SLC24A3: variants seen among roughly 807,000 people sequenced by gnomAD.
SLC24A3 encodes sodium/potassium/calcium exchanger 3.
In SLC24A3, 28 loss-of-function variants were observed where a neutral mutation model predicts 75.8. That is an observed-to-expected ratio of 0.37 (90% CI 0.27 to 0.51). The LOEUF (loss-of-function observed/expected upper bound fraction) is 0.51. SLC24A3 is among the 20% of genes least tolerant of loss of function. The pLI is 0.94. For synonymous variants in SLC24A3, 372 were observed against 334.1 expected, an observed-to-expected ratio of 1.11 and a Z score of -1.24; for missense variants, 663 against 847.8, an observed-to-expected ratio of 0.78 and a Z score of 2.71.
chr20:19,372,329 A>C (rs1319990407), intron 2 of SLC24A3, among the ~76,000 whole-genome samples: 2 of 152,232 alleles, frequency 1.3e-5, no homozygotes, highest in Admixed American at 1.3e-4. Context: ...AATCATTTCA[A>C]GACAAGTGAA....
At chr20:19,216,296 T>A (rs1218952605) in intron 1 of SLC24A3, among the ~76,000 whole-genome samples, 1 of 57,044 alleles carries the variant, frequency 1.8e-5, no homozygotes, top group African/African-American at 1.3e-4. Context: ...ACCCAGCCAT[T>A]TTTTTTCCAG....
chr20:19,718,081 G>A (rs1278382720), intron 16 of SLC24A3, among the ~76,000 whole-genome samples: 2 of 152,198 alleles, frequency 1.3e-5, no homozygotes, highest in Non-Finnish European at 1.5e-5. Context: ...TCACACCAAC[G>A]CATGGACTCA....
intron 15 of SLC24A3, among the ~76,000 whole-genome samples, chr20:19,699,313 G>A (rs2032845314): frequency 6.6e-6 from 1 of 152,236 alleles, no homozygotes; most frequent in African/African-American, 2.4e-5. Flanking sequence ...GCAACGCCCT[G>A]GCGGGGAGAG....
At chr20:19,467,651 A>G (rs964671839) in intron 2 of SLC24A3, among the ~76,000 whole-genome samples, 3 of 152,074 alleles carry the variant, frequency 2.0e-5, no homozygotes, top group Non-Finnish European at 2.9e-5. Flanking sequence ...GAGCCCGAGG[A>G]GTGTGGATCA....
intron 6 of SLC24A3, among the ~76,000 whole-genome samples, chr20:19,644,442 G>A (rs530948720): frequency 5.3e-5 from 8 of 152,258 alleles, no homozygotes; most frequent in Admixed American, 1.3e-4. Context: ...GCTCCCCGGC[G>A]ATGCTGATAC....
intron 2 of SLC24A3, among the ~76,000 whole-genome samples, chr20:19,287,629 C>T (rs1271059006): frequency 6.6e-6 from 1 of 152,220 alleles, no homozygotes; most frequent in Non-Finnish European, 1.5e-5. Context: ...CATAACAATT[C>T]CCTCATCAAG....
At chr20:19,379,558 T>G (rs1568603921) in intron 2 of SLC24A3, among the ~76,000 whole-genome samples, 1 of 152,210 alleles carries the variant, frequency 6.6e-6, no homozygotes, top group Non-Finnish European at 1.5e-5. Flanking sequence ...GGAAGGACTG[T>G]CCATGGGCCA....
chr20:19,244,405 G>A (rs553018429), intron 1 of SLC24A3: 6 of 152,368 alleles, frequency 3.9e-5, no homozygotes, highest in Admixed American at 3.9e-4. Context: ...CTGGACATTA[G>A]CCTCTAGGGC....
intron 6 of SLC24A3, among the ~76,000 whole-genome samples, chr20:19,591,979 G>C (rs1184704652): frequency 6.6e-6 from 1 of 152,136 alleles, no homozygotes; most frequent in Non-Finnish European, 1.5e-5. Flanking sequence ...AATAACCTAG[G>C]AGTGGGATTA....
At chr20:19,546,631 G>T (rs1022650440) in intron 3 of SLC24A3, among the ~76,000 whole-genome samples, 4 of 152,184 alleles carry the variant, frequency 2.6e-5, no homozygotes, top group Admixed American at 2.6e-4. Flanking sequence ...GAAAGGGGGT[G>T]GGGGGCAGAC....
At chr20:19,253,641 G>T (rs749980235) in intron 1 of SLC24A3, among the ~76,000 whole-genome samples, 8 of 152,212 alleles carry the variant, frequency 5.3e-5, no homozygotes. Context: ...TCACCCCACT[G>T]TTACCCCCAT....
At chr20:19,405,514 T>C (rs1986628497) in intron 2 of SLC24A3, among the ~76,000 whole-genome samples, 1 of 152,214 alleles carries the variant, frequency 6.6e-6, no homozygotes, top group African/African-American at 2.4e-5. Context: ...AAAATGTACT[T>C]AGTACCCTGG....
intron 2 of SLC24A3, among the ~76,000 whole-genome samples, chr20:19,326,549 A>T (rs1045058270): frequency 2.0e-5 from 3 of 150,588 alleles, no homozygotes; most frequent in Non-Finnish European, 4.4e-5. Flanking sequence ...AATTTCTAGC[A>T]CATTCAGTTT....
At chr20:19,333,482 T>C (rs6075501) in intron 2 of SLC24A3, among the ~76,000 whole-genome samples, 79,801 of 151,952 alleles carry the variant, frequency 0.53, 23,123 homozygotes, top group African/African-American at 0.77. Flanking sequence ...AGAAGGGAAT[T>C]GTTTCACCAA....
At chr20:19,585,696 G>A (rs1048119250) in intron 6 of SLC24A3, 152 bp downstream of exon 6, 47 of 679,500 alleles carry the variant, frequency 6.9e-5, no homozygotes, top group Admixed American at 1.5e-4. Flanking sequence ...CATCCCAGGA[G>A]GCTGGCCCAG....
chr20:19,463,685 G>A (rs1987718181), intron 2 of SLC24A3, among the ~76,000 whole-genome samples: 1 of 152,240 alleles, frequency 6.6e-6, no homozygotes, highest in African/African-American at 2.4e-5. Flanking sequence ...TGTGCACACA[G>A]GAGCCCTCTT....
chr20:19,683,317 C>A (rs2032635915), intron 10 of SLC24A3, among the ~76,000 whole-genome samples: 1 of 152,174 alleles, frequency 6.6e-6, no homozygotes, highest in African/African-American at 2.4e-5. Context: ...TCACTTCATG[C>A]TTTAGTGGCT....
intron 12 of SLC24A3, among the ~76,000 whole-genome samples, chr20:19,692,769 C>G (rs1163982539): frequency 6.6e-6 from 1 of 152,172 alleles, no homozygotes; most frequent in African/African-American, 2.4e-5. Context: ...GATTCCGGCG[C>G]GCTGACCGAC....
At chr20:19,287,783 G>T (rs1983851629) in intron 2 of SLC24A3, among the ~76,000 whole-genome samples, 1 of 152,222 alleles carries the variant, frequency 6.6e-6, no homozygotes, top group Non-Finnish European at 1.5e-5. Context: ...TATAGATGAA[G>T]TCATTTGGCA....
Sources: gnomAD v4.1 joint callset for allele counts (sites outside exome capture counted in the v4.1 genomes callset) on GRCh38, gnomAD v4.1.1 for gene constraint, MANE v1.5 for transcripts, NCBI Gene and HGNC (gene_info 2026-07-23, HGNC 2026-07-21) for gene names.